C12orf76: variants seen among roughly 807,000 people sequenced by gnomAD.
C12orf76 encodes chromosome 12 open reading frame 76.
In C12orf76, 6 loss-of-function variants were observed where a neutral mutation model predicts 6.8. The observed-to-expected ratio is 0.88, with a 90% CI of 0.48 to 1.73. C12orf76 has a LOEUF of 1.73. Among genes scored for constraint, C12orf76 ranks in the 40% most tolerant of loss-of-function variants. C12orf76 has a pLI of 0.01. For synonymous variants in C12orf76, 56 were observed against 43.7 expected (o/e 1.28, Z -1.11); for missense variants, 99 against 98.2 (o/e 1.01, Z -0.03).
At chr12:110,067,394 G>C (rs1412715592) in intron 1 of C12orf76, 1 of 985,178 alleles carries the variant, frequency 1.0e-6, no homozygotes, top group East Asian at 1.1e-4. Flanking sequence ...CCACAGCCCA[G>C]ACAAGCCAGG....
At chr12:110,067,451 G>T (rs1892886053) in intron 1 of C12orf76, 2 of 985,406 alleles carry the variant, frequency 2.0e-6, no homozygotes, top group African/African-American at 1.7e-5. Context: ...TGGCTTTTGG[G>T]AAGACCTTGT....
At chr12:110,057,093 G>C (rs562663721) in intron 4 of C12orf76, 105 of 800,332 alleles carry the variant, frequency 1.3e-4, no homozygotes, top group Non-Finnish European at 2.1e-4. Context: ...TGCTTGTGCT[G>C]GACTCACCAG....
At chr12:110,059,353 C>T (rs1892730576) in intron 2 of C12orf76, among the ~76,000 whole-genome samples, 1 of 152,166 alleles carries the variant, frequency 6.6e-6, no homozygotes, top group South Asian at 2.1e-4. Flanking sequence ...ATCTGGATGC[C>T]TTTTATTGCT....
intron 2 of C12orf76, among the ~76,000 whole-genome samples, chr12:110,062,852 C>G (rs1892796310): frequency 7.7e-6 from 1 of 130,644 alleles, no homozygotes; most frequent in African/African-American, 2.9e-5. Flanking sequence ...CAGCTGTTCT[C>G]AACTGGTCTC....
upstream of C12orf76, chr12:110,051,141 C>T: frequency 1.3e-6 from 1 of 780,460 alleles, no homozygotes; most frequent in Non-Finnish European, 2.4e-6. Flanking sequence ...TCCACTGGTA[C>T]AGCTTGCCAC....
At chr12:110,065,005 T>C (rs1009341960) in intron 2 of C12orf76, among the ~76,000 whole-genome samples, 5 of 152,182 alleles carry the variant, frequency 3.3e-5, no homozygotes, top group Non-Finnish European at 7.3e-5. Context: ...GATAATGTGC[T>C]TTCAGCTATT....
chr12:110,068,247 A>AAAGAAGAAGAAGAAGAAGAAGAAAAGAAG, upstream of C12orf76, among the ~76,000 whole-genome samples: 1 of 63,816 alleles, frequency 1.6e-5, no homozygotes, highest in African/African-American at 6.1e-5. Flanking sequence ...GAAGAAGAAG[A>AAAGAAGAAGAAGAAGAAGAAGAAAAGAAG]AAGAAGAAGA....
exon 4 of C12orf76, chr12:110,057,247 C>T: frequency 2.5e-6 from 4 of 1,614,150 alleles, no homozygotes; most frequent in Non-Finnish European, 3.4e-6. Flanking sequence ...TCTTCAAGCT[C>T]TGCAGGGAGG....
upstream of C12orf76, chr12:110,050,260 A>G (rs752939486): frequency 6.6e-6 from 1 of 152,240 alleles, no homozygotes; most frequent in Non-Finnish European, 1.5e-5. Flanking sequence ...AGGCTTTACC[A>G]CCTCACACAT....
At chr12:110,068,372 G>A (rs889906992), upstream of C12orf76, among the ~76,000 whole-genome samples, 1 of 151,944 alleles carries the variant, frequency 6.6e-6, no homozygotes, top group African/African-American at 2.4e-5. Context: ...CGTAGGGAGA[G>A]AGAACCTACC....
At chr12:110,058,691 A>C (rs1276766658) in intron 3 of C12orf76, among the ~76,000 whole-genome samples, 2 of 151,930 alleles carry the variant, frequency 1.3e-5, no homozygotes, top group Non-Finnish European at 2.9e-5. Flanking sequence ...AAAGAAAGAA[A>C]GAACTGCCCA....
Position 110,057,264 on chromosome 12 carries a change from C to T in C12orf76, n.589G>A, listed in dbSNP as rs142398265. On this transcript the variant is annotated non_coding_transcript_exon_variant, in exon 4 of 5. Coordinates refer to the C12orf76 transcript ENST00000309050. ...TTCAAGCTCTGCAGGGAGGATGTGC[C>T]TTTCAGCAAAGTTCCTCTCCCCCTT... 2.5e-6 allele frequency: 4 copies of T among 1,613,924 alleles called. No homozygotes were observed. In the African/African-American group the frequency reaches 5.3e-5, roughly 22 times the overall value.
At chr12:110,053,022 GA>G (rs1380780640), upstream of C12orf76, among the ~76,000 whole-genome samples, 6 of 151,944 alleles carry the variant, frequency 3.9e-5, no homozygotes, top group African/African-American at 1.5e-4. Context: ...CCAACATGGC[GA>G]AACCCTGTCT....
Position 110,042,203 on chromosome 12 carries a change from G to GA in C12orf76, c.*170dup. 1 of 606,460 alleles carries GA rather than the reference G, an allele frequency of 1.6e-6. No homozygotes were observed. The highest frequency in any genetic ancestry group is 2.0e-5 in the South Asian group (1 of 50,932). The allele number at this position is 606,460 out of a possible 1,614,324, so 37.6% of individuals were successfully genotyped here. A position where few individuals can be genotyped will look rare whatever the true frequency, so the allele number is the denominator to read the frequency against. On this transcript the variant is annotated 3_prime_UTR_variant, in exon 2 of 2. Coordinates refer to ENST00000615315, the MANE Select transcript of C12orf76 (RefSeq NM_001389625.1). ...CCAATTATTTGCGCTACAGTGTTAG[G>GA]AAAAAATAATGTCTAGTACATGTTT...
upstream of C12orf76, chr12:110,051,168 A>C: frequency 1.3e-6 from 1 of 779,610 alleles, no homozygotes; most frequent in Non-Finnish European, 2.4e-6. Context: ...GAGCAAAGCT[A>C]AATGGCAGGC....
intron 1 of C12orf76, among the ~76,000 whole-genome samples, chr12:110,045,415 G>A (rs1224004832): frequency 6.6e-6 from 1 of 151,586 alleles, no homozygotes; most frequent in Non-Finnish European, 1.5e-5. Context: ...GTGAAACCCC[G>A]TCTCTACTAA....
upstream of C12orf76, among the ~76,000 whole-genome samples, chr12:110,068,862 C>G (rs1388297889): frequency 6.6e-6 from 1 of 152,192 alleles, no homozygotes; most frequent in Non-Finnish European, 1.5e-5. Flanking sequence ...CTACTTGGTG[C>G]AAACTACTTC....
At chr12:110,073,117 G>A (rs1892980445) in intron 1 of C12orf76, among the ~76,000 whole-genome samples, 1 of 152,108 alleles carries the variant, frequency 6.6e-6, no homozygotes, top group Non-Finnish European at 1.5e-5. Flanking sequence ...TCCTCCCTGG[G>A]AATCCAGGAT....
At chr12:110,057,334 G>T (rs770663871) in intron 3 of C12orf76, 6 of 1,407,028 alleles carry the variant, frequency 4.3e-6, no homozygotes, top group Admixed American at 1.8e-5. Flanking sequence ...AAAGGGCTGA[G>T]CCTCCAAAGT....
Sources: gnomAD v4.1 joint callset for allele counts (sites outside exome capture counted in the v4.1 genomes callset) on GRCh38, gnomAD v4.1.1 for gene constraint, MANE v1.5 for transcripts, NCBI Gene and HGNC (gene_info 2026-07-23, HGNC 2026-07-21) for gene names.